NTRK3: variants seen among roughly 807,000 people sequenced by gnomAD.
NTRK3 encodes the protein neurotrophic receptor tyrosine kinase 3.
In NTRK3, 24 loss-of-function variants were observed where a neutral mutation model predicts 91.7. The ratio of observed to expected loss-of-function variants is 0.26; its 90% CI spans 0.19 to 0.37. NTRK3 has a LOEUF of 0.37. Ranked by LOEUF, NTRK3 falls within the 10% of genes least tolerant of loss-of-function variation. NTRK3 has a pLI of 1.00. For synonymous variants in NTRK3, 483 were observed against 404.0 expected (o/e 1.20, Z -2.34); for missense variants, 880 against 1,068.9 (o/e 0.82, Z 2.46).
At chr15:88,183,535 G>T (rs771367108) in intron 4 of NTRK3, 46 bp from the exon 5 acceptor site, 1 of 1,551,140 alleles carries the variant, frequency 6.4e-7, no homozygotes, top group South Asian at 1.1e-5. Flanking sequence ...AGTGGCAGAG[G>T]GATATCTGCT....
intron 3 of NTRK3, among the ~76,000 whole-genome samples, chr15:88,247,488 T>A (rs2052951699): frequency 2.0e-5 from 3 of 152,240 alleles, no homozygotes; most frequent in African/African-American, 7.2e-5. Context: ...AAAGTCTTGA[T>A]CTTCTCTCTA....
At chr15:88,036,913 C>T (rs1289133556) in intron 13 of NTRK3, among the ~76,000 whole-genome samples, 1 of 152,194 alleles carries the variant, frequency 6.6e-6, no homozygotes, top group Non-Finnish European at 1.5e-5. Context: ...GAGACTTAAA[C>T]CTTTTGTGAA....
chr15:88,184,148 C>T (rs1055144508), intron 4 of NTRK3, 77 bp downstream of exon 4: 138 of 1,433,182 alleles, frequency 9.6e-5, no homozygotes, highest in Admixed American at 2.0e-4. Flanking sequence ...GTGCCCCTCA[C>T]GCCACCCCAG....
chr15:87,870,934 T>G (rs2064813878), exon 19 of NTRK3: 3 of 230,660 alleles, frequency 1.3e-5, no homozygotes, highest in Non-Finnish European at 2.6e-5. Context: ...CCTGGGTGAT[T>G]AGGAAAAATT....
intron 13 of NTRK3, among the ~76,000 whole-genome samples, chr15:88,050,296 A>G: frequency 6.6e-6 from 1 of 152,214 alleles, no homozygotes; most frequent in Non-Finnish European, 1.5e-5. Context: ...TCTCAAAATC[A>G]CCACATTACA....
At chr15:88,138,600 G>A (rs2042099607) in intron 6 of NTRK3, among the ~76,000 whole-genome samples, 1 of 151,988 alleles carries the variant, frequency 6.6e-6, no homozygotes, top group African/African-American at 2.4e-5. Context: ...TGTCTGCAAG[G>A]TCACCTGTTG....
exon 19 of NTRK3, chr15:87,874,567 A>G (rs1275203366): frequency 4.3e-5 from 10 of 233,150 alleles, no homozygotes; most frequent in Non-Finnish European, 7.6e-5. Flanking sequence ...AGTGACTATC[A>G]GTTTTGAAAC....
chr15:88,136,100 C>G, intron 8 of NTRK3, 60 bp from the exon 9 acceptor site: 1 of 1,592,342 alleles, frequency 6.3e-7, no homozygotes, highest in Non-Finnish European at 8.6e-7. Context: ...GCTCTGCTAC[C>G]TAATCCCCAA....
At chr15:88,198,243 C>T (rs1256785461) in intron 3 of NTRK3, among the ~76,000 whole-genome samples, 1 of 152,104 alleles carries the variant, frequency 6.6e-6, no homozygotes, top group Non-Finnish European at 1.5e-5. Flanking sequence ...TTCCCAGCCA[C>T]CCCCTTCCCA....
chr15:88,177,575 T>C (rs2046112476), intron 5 of NTRK3, among the ~76,000 whole-genome samples: 1 of 152,186 alleles, frequency 6.6e-6, no homozygotes, highest in Non-Finnish European at 1.5e-5. Flanking sequence ...ATGGTACCAC[T>C]TACAAGAACA....
chr15:88,212,735 CACACACACACACACACACACACACA>C, intron 3 of NTRK3, among the ~76,000 whole-genome samples: 1 of 24,130 alleles, frequency 4.1e-5, no homozygotes, highest in Non-Finnish European at 1.4e-4. Flanking sequence ...CACACACACA[CACACACACACACACACACACACACA>C]TCCCAGGCCC....
chr15:88,049,641 G>A (rs903237366), intron 13 of NTRK3, among the ~76,000 whole-genome samples: 8 of 152,198 alleles, frequency 5.3e-5, no homozygotes, highest in Non-Finnish European at 1.0e-4. Context: ...ATCTGAAACT[G>A]CTGAGTTCCC....
chr15:88,091,606 T>C (rs1394959981), intron 13 of NTRK3, among the ~76,000 whole-genome samples: 3 of 152,188 alleles, frequency 2.0e-5, no homozygotes, highest in African/African-American at 7.2e-5. Flanking sequence ...ATATCTGCCA[T>C]GGGCACAAGG....
chr15:88,222,845 C>T (rs769325825), intron 3 of NTRK3, among the ~76,000 whole-genome samples: 36 of 152,254 alleles, frequency 2.4e-4, no homozygotes, highest in South Asian at 6.2e-4. Context: ...ATTAAGAAAC[C>T]GAGGCCCAGG....
exon 19 of NTRK3, chr15:87,868,985 G>C (rs899845943): frequency 1.3e-5 from 3 of 228,530 alleles, no homozygotes; most frequent in African/African-American, 6.6e-5. Context: ...GCAGAGCCCA[G>C]AGCAGGGCTC....
At chr15:87,861,821 T>A (rs1016411272) in exon 19 of NTRK3, 3 of 202,842 alleles carry the variant, frequency 1.5e-5, no homozygotes, top group Non-Finnish European at 3.0e-5. Context: ...GCTGGCCAGT[T>A]CCCTCCTGGG....
At chr15:88,017,783 T>TA (rs1290398629) in intron 14 of NTRK3, among the ~76,000 whole-genome samples, 2 of 152,198 alleles carry the variant, frequency 1.3e-5, no homozygotes, top group South Asian at 4.1e-4. Context: ...TTAAAGCTCC[T>TA]AAGTAACAAA....
intron 17 of NTRK3, among the ~76,000 whole-genome samples, chr15:87,891,068 C>T (rs919290987): frequency 6.6e-6 from 1 of 152,106 alleles, no homozygotes; most frequent in African/African-American, 2.4e-5. Flanking sequence ...CCTATTAACA[C>T]TCATAATATT....
chr15:87,985,821 G>A (rs529716343), intron 14 of NTRK3, among the ~76,000 whole-genome samples: 3 of 152,210 alleles, frequency 2.0e-5, no homozygotes, highest in African/African-American at 7.2e-5. Flanking sequence ...GATCTTGAAG[G>A]CTCTCACAGC....
Sources: gnomAD v4.1 joint callset for allele counts (sites outside exome capture counted in the v4.1 genomes callset) on GRCh38, gnomAD v4.1.1 for gene constraint, MANE v1.5 for transcripts, NCBI Gene and HGNC (gene_info 2026-07-23, HGNC 2026-07-21) for gene names.